QKI: variants seen among roughly 807,000 people sequenced by gnomAD.
The protein encoded by QKI is QKI, KH domain containing RNA binding.
A neutral mutation model predicts 39.0 loss-of-function variants in QKI; 10 were observed. The ratio of observed to expected loss-of-function variants is 0.26; its 90% CI spans 0.16 to 0.43. QKI has a LOEUF of 0.43. Ranked by LOEUF, QKI falls within the 20% of genes least tolerant of loss-of-function variation. The pLI is 1.00. For missense variants in QKI, 218 were observed against 428.0 expected, an observed-to-expected ratio of 0.51 and a Z score of 4.33; for synonymous variants, 204 against 155.4, an observed-to-expected ratio of 1.31 and a Z score of -2.33.
intron 1 of QKI, among the ~76,000 whole-genome samples, chr6:163,441,224 A>G (rs1423375042): frequency 6.6e-6 from 1 of 152,194 alleles, no homozygotes; most frequent in African/African-American, 2.4e-5. Flanking sequence ...GCATTGATGT[A>G]ATGAACATAT....
At chr6:163,462,134 A>G (rs1791400550) in intron 2 of QKI, among the ~76,000 whole-genome samples, 1 of 152,092 alleles carries the variant, frequency 6.6e-6, no homozygotes, top group Non-Finnish European at 1.5e-5. Flanking sequence ...GTTTTGTTTT[A>G]TCTTAGAGAC....
intron 3 of QKI, among the ~76,000 whole-genome samples, chr6:163,505,692 A>G (rs1302456178): frequency 6.6e-6 from 1 of 152,066 alleles, no homozygotes; most frequent in Non-Finnish European, 1.5e-5. Context: ...GAAATAACTA[A>G]CTTGTTTTTG....
intron 5 of QKI, 78 bp downstream of exon 5, chr6:163,562,147 CAAT>C (rs1783066729): frequency 5.1e-6 from 5 of 972,242 alleles, no homozygotes; most frequent in Non-Finnish European, 7.6e-6. Context: ...TTTGGCAACA[CAAT>C]AATAGTTCAT....
intron 4 of QKI, among the ~76,000 whole-genome samples, chr6:163,556,844 A>C (rs12202086): frequency 0.012 from 1,897 of 152,264 alleles, 21 homozygotes; most frequent in Non-Finnish European, 0.019. Flanking sequence ...TATTAGCAGG[A>C]GTGTGTTCTA....
intron 4 of QKI, among the ~76,000 whole-genome samples, chr6:163,545,329 A>G (rs941338856): frequency 2.6e-5 from 4 of 152,134 alleles, no homozygotes; most frequent in African/African-American, 7.2e-5. Context: ...CAACAGGCAC[A>G]TTGTCCTAAC....
At position 163,443,553 on chromosome 6, in the gene QKI, C is replaced by T. The variant is rs567352469; in HGVS notation, c.143-11726C>T. On this transcript the variant is annotated intron_variant, in intron 1 of 7. Transcript: ENST00000361752. ...CTACATTCCAGCCTGGGCGAGACTC[C>T]GTCTCAAAACAATAACAACAACAAC... Among the ~76,000 whole-genome samples, 10 of 151,996 alleles carry T rather than the reference C, an allele frequency of 6.6e-5. No individual in the cohort carries two copies. In the South Asian group the frequency reaches 1.0e-3, roughly 16 times the overall value.
chr6:163,433,716 G>A (rs547442732), intron 1 of QKI, among the ~76,000 whole-genome samples: 2 of 152,134 alleles, frequency 1.3e-5, no homozygotes, highest in East Asian at 3.9e-4. Context: ...GCAGTGAGCT[G>A]AGACCACGCC....
chr6:163,563,503 G>T lies in QKI; in HGVS notation c.718G>T (p.Ala240Ser), dbSNP rs750380437. Residue 240 changes from alanine to serine, a missense_variant, in exon 6 of 8, where the codon GCC (alanine) becomes TCC (serine). By Grantham distance (99) the Ala-to-Ser change is moderately conservative. Around this residue, in one of 3 missense-constraint regions of QKI, gnomAD observed 117 missense variants for 186.0 expected, o/e 0.63. Transcript: ENST00000361752. ...GCCTGCGCCGGTTCTCCCACCAGCT[G>T]CCCTGCGTACTCCTACGCCAGCTGG... Reference protein sequence around the residue: ...TGPAPVLPPAALRTPTPAGPT... With the variant: ...TGPAPVLPPASLRTPTPAGPT... The T allele has an allele frequency of 1.9e-6, 3 of 1,614,130 alleles. No homozygotes were observed. Among genetic ancestry groups the T allele is most frequent in the East Asian group, 2.2e-5 (1 of 44,868 alleles).
At chr6:163,482,588 A>G (rs1237019418) in intron 3 of QKI, among the ~76,000 whole-genome samples, 2 of 140,572 alleles carry the variant, frequency 1.4e-5, no homozygotes, top group Admixed American at 7.1e-5. Context: ...GTCGGGTTCA[A>G]TTAATTTGCT....
chr6:163,510,826 A>T (rs1215658405), intron 3 of QKI, among the ~76,000 whole-genome samples: 1 of 151,348 alleles, frequency 6.6e-6, no homozygotes, highest in Non-Finnish European at 1.5e-5. Context: ...TAAAGGCAGA[A>T]ATAGTTCCAC....
chr6:163,441,390 C>A (rs1484846474), intron 1 of QKI, among the ~76,000 whole-genome samples: 2 of 152,102 alleles, frequency 1.3e-5, no homozygotes, highest in Non-Finnish European at 2.9e-5. Flanking sequence ...AGTGAAGTTA[C>A]AAGAAATATT....
intron 1 of QKI, among the ~76,000 whole-genome samples, chr6:163,448,678 A>C (rs975539764): frequency 1.3e-5 from 2 of 152,172 alleles, no homozygotes; most frequent in African/African-American, 4.8e-5. Context: ...CGGAGGTTGC[A>C]GTGAGCTAAG....
At chr6:163,528,218 G>T (rs755720887) in intron 3 of QKI, among the ~76,000 whole-genome samples, 1 of 152,142 alleles carries the variant, frequency 6.6e-6, no homozygotes, top group Middle Eastern at 3.4e-3. Flanking sequence ...CAAAGTCCCC[G>T]CCAGCTCTAA....
chr6:163,477,822 A>T (rs1268863902), intron 2 of QKI, among the ~76,000 whole-genome samples: 1 of 152,240 alleles, frequency 6.6e-6, no homozygotes, highest in African/African-American at 2.4e-5. Context: ...CCAGCTTCTT[A>T]AGCCCTGATG....
chr6:163,458,383 C>T (rs1368524127), intron 2 of QKI, among the ~76,000 whole-genome samples: 1 of 152,080 alleles, frequency 6.6e-6, no homozygotes, highest in Non-Finnish European at 1.5e-5. Context: ...GTCACAAGCT[C>T]TATGAGGGCA....
Position 163,570,937 on chromosome 6 carries a change from A to C in QKI, c.*227A>C. 1 of 548,104 alleles carries C rather than the reference A, an allele frequency of 1.8e-6. No homozygotes were observed. Among genetic ancestry groups the C allele is most frequent in the South Asian group, 2.7e-5 (1 of 37,024 alleles). 34.0% of individuals were successfully genotyped at this position (548,104 alleles called of 1,614,324 possible). On this transcript the variant is annotated 3_prime_UTR_variant, in exon 8 of 8. Coordinates refer to ENST00000361752, the MANE Select transcript of QKI (RefSeq NM_006775.3). ...CCTGTTTGGGTGAAAGTGGTTCTAG[A>C]AACTGCACTGAATAGTAGTAAAGCA...
At chr6:163,488,337 A>AG (rs1004340343) in intron 3 of QKI, among the ~76,000 whole-genome samples, 12 of 152,064 alleles carry the variant, frequency 7.9e-5, no homozygotes, top group South Asian at 4.2e-4. Context: ...GACAAAAAAA[A>AG]AGAGAGAGAG....
At chr6:163,466,234 C>G (rs1254851603) in intron 2 of QKI, among the ~76,000 whole-genome samples, 1 of 151,536 alleles carries the variant, frequency 6.6e-6, no homozygotes, top group African/African-American at 2.4e-5. Flanking sequence ...AAAAGTATAA[C>G]ACTGATCAAA....
chr6:163,535,046 C>T lies in QKI; in HGVS notation c.467C>T (p.Thr156Ile). The change falls in exon 4 of 8, where the codon ACT becomes ATT. Residue 156 changes from threonine to isoleucine, a missense_variant. Physicochemically the swap from Thr to Ile is moderately conservative, Grantham distance 89. This residue lies in a region of QKI where 61 missense variants were observed against 193.3 expected (regional missense o/e 0.32). Transcript: ENST00000361752. ...HLNEDLHVLI[T>I]VEDAQNRAEI... Reference sequence around the variant, plus strand: ...AATGAAGATTTACATGTACTAATCACTGTGGAAGATGCTCAGAACAGAGCA... The same window carrying T: ...AATGAAGATTTACATGTACTAATCATTGTGGAAGATGCTCAGAACAGAGCA... 1 of 1,612,114 alleles carries T rather than the reference C, an allele frequency of 6.2e-7. No individual in the cohort carries two copies. Among genetic ancestry groups the T allele is most frequent in the Non-Finnish European group, 8.5e-7 (1 of 1,179,034 alleles).
Sources: gnomAD v4.1 joint callset for allele counts (sites outside exome capture counted in the v4.1 genomes callset) on GRCh38, gnomAD v4.1.1 for gene constraint, gnomAD v4.1.1 regional missense constraint, MANE v1.5 for transcripts, NCBI Gene and HGNC (gene_info 2026-07-23, HGNC 2026-07-21) for gene names.